Variants in USP35 observed in about 807,000 individuals in gnomAD.
The protein encoded by USP35 is ubiquitin specific peptidase 35.
In USP35, 69 loss-of-function variants were observed where a neutral mutation model predicts 83.8. The ratio of observed to expected loss-of-function variants is 0.82; its 90% CI spans 0.68 to 1.01. USP35 has a LOEUF of 1.01. USP35 is among the 50% of genes least tolerant of loss of function. The pLI, the probability that USP35 is intolerant of heterozygous loss-of-function variation, is 0.00. For synonymous variants in USP35, 714 were observed against 589.5 expected, an observed-to-expected ratio of 1.21 and a Z score of -3.06; for missense variants, 1,503 against 1,362.5, an observed-to-expected ratio of 1.10 and a Z score of -1.62.
chr11:78,190,777 A>G (rs1171729830), intron 1 of USP35, among the ~76,000 whole-genome samples: 3 of 152,180 alleles, frequency 2.0e-5, no homozygotes, highest in Non-Finnish European at 4.4e-5. Flanking sequence ...GTGAGTCAGA[A>G]TTTTCCAGGA....
chr11:78,191,749 C>T (rs962711068), intron 1 of USP35, among the ~76,000 whole-genome samples: 4 of 151,762 alleles, frequency 2.6e-5, no homozygotes, highest in African/African-American at 4.8e-5. Context: ...ATCAGCAGTG[C>T]GTGTCTCCTT....
the USP35 span, among the ~76,000 whole-genome samples, chr11:78,229,764 C>A: frequency 1.6e-4 from 25 of 152,202 alleles, no homozygotes; most frequent in Non-Finnish European, 1.0e-4. Context: ...GGATCCAAAC[C>A]AAACTTTGCA....
At chr11:78,234,576 TTA>T in the USP35 span, among the ~76,000 whole-genome samples, 6 of 148,048 alleles carry the variant, frequency 4.1e-5, no homozygotes, top group Non-Finnish European at 6.0e-5. Context: ...CTTTTAATAA[TTA>T]TATATATTTA....
chr11:78,196,281 A>C lies in USP35; in HGVS notation c.36A>C (p.Ser12=), dbSNP rs932469773. The part of the protein sequence containing the change: ...DKILEAVVTS[S]YPVSVKQGLV... Reference sequence around the variant, plus strand: ...TCTTGGAGGCGGTGGTGACGTCGTCATACCCGGTCAGCGTGAAGCAGGGGC... The same window carrying C: ...TCTTGGAGGCGGTGGTGACGTCGTCCTACCCGGTCAGCGTGAAGCAGGGGC... Residue 12 remains serine, a synonymous_variant, in exon 2 of 11, where the codon TCA becomes TCC. Transcript: ENST00000529308. The surrounding 1 kb of genome is among the most constrained non-coding windows in gnomAD (Gnocchi z 4.8). 2 of 1,595,442 alleles carry C rather than the reference A, an allele frequency of 1.3e-6. No individual in the cohort carries two copies. Among genetic ancestry groups the C allele is most frequent in the Middle Eastern group, 1.7e-4 (1 of 6,034 alleles).
At chr11:78,189,994 CG>C (rs1862952653) in intron 1 of USP35, among the ~76,000 whole-genome samples, 1 of 152,048 alleles carries the variant, frequency 6.6e-6, no homozygotes, top group African/African-American at 2.4e-5. Context: ...CACCTGGTGT[CG>C]GGAGGGGCAG....
the USP35 span, among the ~76,000 whole-genome samples, chr11:78,225,677 A>G: frequency 6.6e-6 from 1 of 152,354 alleles, no homozygotes; most frequent in African/African-American, 2.4e-5. Flanking sequence ...AAAGACGGCA[A>G]AGAGGTCTAA....
chr11:78,225,017 A>G, the USP35 span: 4 of 775,944 alleles, frequency 5.2e-6, no homozygotes, highest in Non-Finnish European at 4.4e-6. Context: ...AGACGCCATC[A>G]ATCTTTTGGG....
In USP35 at chr11:78,196,399, G is replaced by T. The variant is rs761184556; in HGVS notation, c.154G>T (p.Gly52Cys). 2.9e-6 allele frequency: 4 copies of T among 1,363,758 alleles called. No homozygotes were observed. The South Asian group carries it at 6.7e-5, about 23-fold the overall frequency. The allele number at this position is 1,363,758 out of a possible 1,614,324, so 84.5% of individuals were successfully genotyped here. A position where few individuals can be genotyped will look rare whatever the true frequency, so the allele number is the denominator to read the frequency against. The part of the protein sequence containing the change: ...LALGARLYVG[G>C]AEELPRRVGC... ...GCTGGGCGCGCGCCTCTACGTGGGC[G>T]GCGCGGAGGAGCTGCCGCGCCGCGT... Residue 52 changes from glycine (G) to cysteine (C), a missense_variant, in exon 2 of 11, where the codon GGC becomes TGC. Gly to Cys is a radical substitution (Grantham distance 159, BLOSUM62 -3). Coordinates refer to ENST00000529308, the MANE Select transcript of USP35 (RefSeq NM_020798.4). The surrounding 1 kb of genome is among the most constrained non-coding windows in gnomAD (Gnocchi z 4.8).
rs778758794 is a variant in USP35, at chr11:78,209,770, G to T, written c.1915G>T (p.Gly639Cys). ...CAGTGCACAGGGGCCAGGCAGGGTG[G>T]GTCCTCGGAGGCAAAGGAAACACTG... ...PTSAQGPGRV[G>C]PRRQRKHCIT... The change falls in exon 10 of 11, where the codon GGT (glycine) becomes TGT (cysteine). Residue 639 changes from glycine (G) to cysteine (C), a missense_variant. By Grantham distance (159) the Gly-to-Cys change is radical. Transcript: ENST00000529308. The T allele has an allele frequency of 1.9e-6, 3 of 1,613,926 alleles. No homozygotes were observed. The highest frequency in any genetic ancestry group is 2.2e-5 in the South Asian group (2 of 91,066).
At chr11:78,189,702 C>T (rs1435519425) in intron 1 of USP35, among the ~76,000 whole-genome samples, 2 of 152,152 alleles carry the variant, frequency 1.3e-5, no homozygotes, top group Admixed American at 6.6e-5. Context: ...GGGGTGGCCC[C>T]GCAGGGATAG....
intron 8 of USP35, 86 bp downstream of exon 8, chr11:78,207,709 C>T (rs963963405): frequency 9.6e-6 from 13 of 1,356,078 alleles, no homozygotes; most frequent in African/African-American, 1.4e-5. Context: ...CCAGGACCTG[C>T]CTGCATCTGG....
In USP35 at chr11:78,213,860, G is replaced by C. The variant is rs372846239; in HGVS notation, c.*47G>C. On this transcript the variant is annotated 3_prime_UTR_variant, in exon 11 of 11. Transcript: ENST00000529308. ...ACCCCTTCCCTCCAGGAGCCAGGTA[G>C]GGCCTGAGGGAAGCTGTGGAGGCAG... 7.2e-6 allele frequency: 11 copies of C among 1,525,572 alleles called. No individual in the cohort carries two copies. Among genetic ancestry groups the C allele is most frequent in the Admixed American group, 2.6e-5 (1 of 39,040 alleles). 94.5% of individuals were successfully genotyped at this position (1,525,572 alleles called of 1,614,324 possible).
intron 10 of USP35, 68 bp downstream of exon 10, chr11:78,210,812 A>G: frequency 6.9e-7 from 1 of 1,448,432 alleles, no homozygotes; most frequent in Non-Finnish European, 9.2e-7. Flanking sequence ...CTACTGGCTT[A>G]GATAAGTCAT....
At chr11:78,234,666 TG>T in the USP35 span, among the ~76,000 whole-genome samples, 6 of 151,000 alleles carry the variant, frequency 4.0e-5, no homozygotes, top group African/African-American at 1.5e-4. Context: ...ATTTCTCTCC[TG>T]GACTTGCTAA....
the USP35 span, chr11:78,223,612 T>C: frequency 5.0e-6 from 8 of 1,613,530 alleles, no homozygotes; most frequent in East Asian, 6.7e-5. Context: ...AGAACCTGGA[T>C]TCATGGGCAC....
chr11:78,194,189 C>T (rs1297655114), intron 1 of USP35, among the ~76,000 whole-genome samples: 1 of 150,906 alleles, frequency 6.6e-6, no homozygotes, highest in African/African-American at 2.4e-5. Flanking sequence ...GAGATGCTAG[C>T]CACAGACTAA....
rs1225325960 is a variant in USP35, at chr11:78,196,205, G to A, written c.-10-31G>A. 2 of 1,553,600 alleles carry A rather than the reference G, an allele frequency of 1.3e-6. No individual in the cohort carries two copies. The highest frequency in any genetic ancestry group is 2.4e-5 in the East Asian group (1 of 40,872). ...GGAACTCTTGAGCCCCGCGGTTGTCGGGCTGTGACCTCATTCCCTGTCCTC... is the reference window on the plus strand; with the variant it reads ...GGAACTCTTGAGCCCCGCGGTTGTCAGGCTGTGACCTCATTCCCTGTCCTC... On this transcript the variant is annotated intron_variant, in intron 1 of 10. Coordinates refer to ENST00000529308, the MANE Select transcript of USP35 (RefSeq NM_020798.4). The surrounding 1 kb of genome is among the most constrained non-coding windows in gnomAD (Gnocchi z 4.8).
rs1863971149 is a variant in USP35, at chr11:78,214,273, T to TGTTTGTTTCTCATATGGGGG, written c.*461_*480dup. The stretch of plus-strand genomic sequence containing the variant: ...CAGTGTCTCCTCTGGCTGTCCTGTT[T>TGTTTGTTTCTCATATGGGGG]GTTTGTTTCTCATATGGGGGTGGGG... On this transcript the variant is annotated 3_prime_UTR_variant, in exon 11 of 11. Transcript: ENST00000529308. 1 of 81,738 alleles carries TGTTTGTTTCTCATATGGGGG rather than the reference T, an allele frequency of 1.2e-5. No homozygotes were observed. Among genetic ancestry groups the TGTTTGTTTCTCATATGGGGG allele is most frequent in the Non-Finnish European group, 2.2e-5 (1 of 45,606 alleles). The allele number at this position is 81,738 out of a possible 1,614,324, so 5.1% of individuals were successfully genotyped here. A position where few individuals can be genotyped will look rare whatever the true frequency, so the allele number is the denominator to read the frequency against.
rs568806873 is a variant in USP35, at chr11:78,208,727, G to A, written c.1486-130G>A. The A allele has an allele frequency of 1.3e-5, 12 of 944,480 alleles. No individual in the cohort carries two copies. In the East Asian group the frequency reaches 2.9e-4, roughly 23 times the overall value. The allele number at this position is 944,480 out of a possible 1,614,324, so 58.5% of individuals were successfully genotyped here. ...GTCAGGGACAATAGAAAAGCGGGGA[G>A]GACCTCATGGAGGAGGCCAGGAAGT... On this transcript the variant is annotated intron_variant, in intron 8 of 10. Transcript: ENST00000529308.
Sources: gnomAD v4.1 joint callset for allele counts (sites outside exome capture counted in the v4.1 genomes callset) on GRCh38, gnomAD v4.1.1 for gene constraint, Gnocchi (gnomAD v3.1) non-coding constraint, MANE v1.5 for transcripts, NCBI Gene and HGNC (gene_info 2026-07-23, HGNC 2026-07-21) for gene names.